The following DIPK1A variants were observed in gnomAD, a reference collection of about 807,000 sequenced individuals.
DIPK1A encodes the protein family with sequence similarity 69 member A.
Under a neutral mutation model 40.8 loss-of-function variants are expected in DIPK1A, and 27 were observed. That is an observed-to-expected ratio of 0.66 (90% CI 0.49 to 0.91). The LOEUF (loss-of-function observed/expected upper bound fraction) is 0.91. Among genes scored for constraint, DIPK1A ranks in the 40% least tolerant of loss-of-function variants. The pLI, the probability that DIPK1A is intolerant of heterozygous loss-of-function variation, is 0.00. For synonymous variants in DIPK1A, 166 were observed against 171.3 expected (o/e 0.97, Z 0.24); for missense variants, 412 against 505.7 (o/e 0.81, Z 1.78).
At chr1:92,864,217 C>T (rs1050356360) in intron 2 of DIPK1A, among the ~76,000 whole-genome samples, 1 of 152,178 alleles carries the variant, frequency 6.6e-6, no homozygotes, top group African/African-American at 2.4e-5. Context: ...AAATGAAATA[C>T]AGTTAGCTAT....
intron 1 of DIPK1A, among the ~76,000 whole-genome samples, chr1:92,889,608 T>A (rs1310413365): frequency 6.6e-6 from 1 of 152,150 alleles, no homozygotes; most frequent in Admixed American, 6.6e-5. Context: ...GTTAACAATA[T>A]TCATTCTTCC....
chr1:92,879,869 C>A (rs1648292241), intron 1 of DIPK1A, among the ~76,000 whole-genome samples: 1 of 151,868 alleles, frequency 6.6e-6, no homozygotes, highest in South Asian at 2.1e-4. Flanking sequence ...TTATGCTGAA[C>A]TATTCACAAT....
At chr1:92,936,422 G>GT (rs957589046) in intron 1 of DIPK1A, among the ~76,000 whole-genome samples, 38 of 152,220 alleles carry the variant, frequency 2.5e-4, no homozygotes, top group Admixed American at 2.2e-3. Context: ...GAGGTCGGGA[G>GT]TTTGAGACCA....
chr1:92,959,021 C>A (rs1285969637), intron 1 of DIPK1A, among the ~76,000 whole-genome samples: 1 of 152,192 alleles, frequency 6.6e-6, no homozygotes, highest in African/African-American at 2.4e-5. Flanking sequence ...CTTGATGGCT[C>A]ATGCCTGTAA....
intron 1 of DIPK1A, among the ~76,000 whole-genome samples, chr1:92,937,316 AG>A (rs1571141048): frequency 6.6e-6 from 1 of 151,992 alleles, no homozygotes; most frequent in East Asian, 1.9e-4. Flanking sequence ...AAAAAAAAAT[AG>A]CCGGGCATGG....
chr1:92,844,575 CA>C (rs1408338624), intron 4 of DIPK1A, among the ~76,000 whole-genome samples: 1 of 152,132 alleles, frequency 6.6e-6, no homozygotes, highest in Admixed American at 6.6e-5. Flanking sequence ...ATCAAAGTTA[CA>C]ATAAGGGTCA....
intron 1 of DIPK1A, among the ~76,000 whole-genome samples, chr1:92,887,254 TA>T (rs60399090): frequency 0.011 from 1,147 of 106,890 alleles, 10 homozygotes; most frequent in Middle Eastern, 0.026. Context: ...CCATCTCTAC[TA>T]AAAAAAAAAA....
At position 92,875,163 on chromosome 1, in the gene DIPK1A, T is replaced by C. The variant is rs559892274; in HGVS notation, c.189+1133A>G. On this transcript the variant is annotated intron_variant, in intron 2 of 4. Coordinates refer to ENST00000370310, the MANE Select transcript of DIPK1A (RefSeq NM_001006605.5). ...AACTTGGGGAAGCTCCAGGTTTCCG[T>C]CTTATGTTCCCATAACAGTTGCTAT... is the stretch of plus-strand genomic sequence containing the variant. Among the ~76,000 whole-genome samples the C allele has an allele frequency of 7.9e-5, 12 of 151,848 alleles. No individual in the cohort carries two copies. In the South Asian group the frequency reaches 2.5e-3, roughly 31 times the overall value.
intron 1 of DIPK1A, among the ~76,000 whole-genome samples, chr1:92,905,573 TG>T (rs1040441481): frequency 1.3e-5 from 2 of 152,172 alleles, no homozygotes; most frequent in African/African-American, 2.4e-5. Context: ...TTCTGTGGGT[TG>T]TCTCTTCACT....
chr1:92,875,713 C>CAA (rs748661421), intron 2 of DIPK1A, among the ~76,000 whole-genome samples: 3 of 54,392 alleles, frequency 5.5e-5, no homozygotes, highest in Non-Finnish European at 7.6e-5. Flanking sequence ...GACTTCGTCT[C>CAA]AAAAAAAAAA....
chr1:92,836,247 G>T (rs1295258351), intron 4 of DIPK1A: 2 of 1,613,538 alleles, frequency 1.2e-6, no homozygotes, highest in East Asian at 2.2e-5. Flanking sequence ...GGTGACTGGT[G>T]ATGAATACAA....
At chr1:92,877,813 C>T (rs903789886) in intron 1 of DIPK1A, among the ~76,000 whole-genome samples, 2 of 152,168 alleles carry the variant, frequency 1.3e-5, no homozygotes, top group South Asian at 4.1e-4. Flanking sequence ...TAAGATGACT[C>T]GTCTCTAATA....
chr1:92,863,538 G>T, intron 2 of DIPK1A, among the ~76,000 whole-genome samples: 1 of 135,286 alleles, frequency 7.4e-6, no homozygotes, highest in Non-Finnish European at 1.5e-5. Flanking sequence ...TTCAAGACTA[G>T]GCTGGGCAAC....
chr1:92,925,088 G>A (rs6698082), intron 1 of DIPK1A, among the ~76,000 whole-genome samples: 53,213 of 152,072 alleles, frequency 0.35, 9,762 homozygotes, highest in African/African-American at 0.38. Context: ...TATCATTAAT[G>A]TGGTGGATTA....
intron 2 of DIPK1A, among the ~76,000 whole-genome samples, chr1:92,853,896 TG>T (rs1687900987): frequency 6.6e-6 from 1 of 152,192 alleles, no homozygotes; most frequent in Non-Finnish European, 1.5e-5. Context: ...TTTTTTGTTT[TG>T]TTTTTTTGAG....
At chr1:92,865,091 T>C (rs1647474486) in intron 2 of DIPK1A, among the ~76,000 whole-genome samples, 1 of 145,246 alleles carries the variant, frequency 6.9e-6, no homozygotes. Flanking sequence ...GCCAAGAACA[T>C]TGACTTACAC....
intron 3 of DIPK1A, 57 bp from the exon 4 acceptor site, chr1:92,847,416 T>C: frequency 8.8e-7 from 1 of 1,137,544 alleles, no homozygotes. Context: ...CTCTAAAAAA[T>C]ATACTACTAT....
chr1:92,892,510 T>C lies in DIPK1A; in HGVS notation c.55-16080A>G, dbSNP rs570003164. ...CCAAAAACCCACCTGTACGTCACCATCATCAAAGACCAAAGGCAGATAAAA... is the reference window on the plus strand; with the variant it reads ...CCAAAAACCCACCTGTACGTCACCACCATCAAAGACCAAAGGCAGATAAAA... On this transcript the variant is annotated intron_variant, in intron 1 of 4. Coordinates refer to ENST00000370310, the MANE Select transcript of DIPK1A (RefSeq NM_001006605.5). Among the ~76,000 whole-genome samples, 154 of 151,968 alleles carry C rather than the reference T, an allele frequency of 1.0e-3. 5 individuals are homozygous for C. Among genetic ancestry groups the C allele is most frequent in the African/African-American group, 3.6e-3 (150 of 41,354 alleles).
intron 1 of DIPK1A, among the ~76,000 whole-genome samples, chr1:92,916,302 C>CTTTTTTTTT (rs869037202): frequency 2.2e-5 from 3 of 134,780 alleles, no homozygotes; most frequent in South Asian, 2.4e-4. Flanking sequence ...TCCTTTTTTT[C>CTTTTTTTTT]TTTTTTTTTT....
Sources: allele counts gnomAD v4.1 joint callset (sites outside exome capture counted in the v4.1 genomes callset), GRCh38; gene constraint gnomAD v4.1.1; transcripts MANE v1.5; gene names NCBI Gene and HGNC (gene_info 2026-07-23, HGNC 2026-07-21).